PTPRD: variants seen among roughly 807,000 people sequenced by gnomAD.
PTPRD encodes the protein receptor-type tyrosine-protein phosphatase delta.
In PTPRD, 34 loss-of-function variants were observed where a neutral mutation model predicts 214.5. The observed-to-expected ratio is 0.16, with a 90% CI of 0.12 to 0.21. PTPRD has a LOEUF of 0.21. Ranked by LOEUF, PTPRD falls within the 10% of genes least tolerant of loss-of-function variation. PTPRD has a pLI of 1.00. For missense variants in PTPRD, 2,545 were observed against 2,398.7 expected (o/e 1.06, Z -1.27); for synonymous variants, 1,128 against 845.7 (o/e 1.33, Z -5.79).
chr9:8,871,080 G>C (rs1051325684), intron 11 of PTPRD, among the ~76,000 whole-genome samples: 8 of 152,142 alleles, frequency 5.3e-5, no homozygotes, highest in African/African-American at 1.9e-4. Context: ...CGTGTTGCTA[G>C]GTTCATAATT....
intron 2 of PTPRD, among the ~76,000 whole-genome samples, chr9:10,503,504 T>C (rs908374122): frequency 8.5e-5 from 13 of 152,082 alleles, no homozygotes; most frequent in Admixed American, 1.3e-4. Flanking sequence ...AAATGTTTAA[T>C]TGGAGAAGAG....
At chr9:10,119,480 G>C (rs2098757766) in intron 3 of PTPRD, among the ~76,000 whole-genome samples, 1 of 151,918 alleles carries the variant, frequency 6.6e-6, no homozygotes, top group Non-Finnish European at 1.5e-5. Context: ...GGTTCTAGTA[G>C]TAAGAGTAGT....
At chr9:8,774,527 C>CTT (rs564318443) in intron 11 of PTPRD, among the ~76,000 whole-genome samples, 2 of 105,216 alleles carry the variant, frequency 1.9e-5, no homozygotes, top group African/African-American at 3.7e-5. Flanking sequence ...TGAAAAGTAA[C>CTT]TTTTTTTTTT....
chr9:8,351,677 GA>G (rs1489043700), intron 39 of PTPRD, among the ~76,000 whole-genome samples: 4 of 133,048 alleles, frequency 3.0e-5, no homozygotes, highest in Admixed American at 1.7e-4. Context: ...GGCTTTTAAA[GA>G]GTGGATATCA....
At chr9:9,971,108 T>C (rs1421840182) in intron 4 of PTPRD, among the ~76,000 whole-genome samples, 1 of 152,160 alleles carries the variant, frequency 6.6e-6, no homozygotes, top group Non-Finnish European at 1.5e-5. Context: ...TAAAGAACTT[T>C]TATAAATTCA....
At position 8,525,045 on chromosome 9, in the gene PTPRD, T is replaced by C. The variant is rs752519691; in HGVS notation, c.569-10A>G. The C allele has an allele frequency of 1.9e-6, 3 of 1,597,764 alleles. No individual in the cohort carries two copies. The highest frequency in any genetic ancestry group is 1.7e-5 in the Admixed American group (1 of 59,978). ...TCAATCTGAAGGGCTCCTGTATGGA[T>C]ATAAAATATATTGCCAAAGAGATGA... On this transcript the variant is annotated splice_polypyrimidine_tract_variant and intron_variant, in intron 17 of 45. Coordinates refer to ENST00000381196, the MANE Select transcript of PTPRD (RefSeq NM_002839.4).
At chr9:10,148,886 G>A (rs1193802641) in intron 3 of PTPRD, among the ~76,000 whole-genome samples, 2 of 152,130 alleles carry the variant, frequency 1.3e-5, no homozygotes, top group Admixed American at 6.5e-5. Flanking sequence ...ATTGGATATA[G>A]ACATTTGAAA....
At chr9:10,282,028 C>T (rs950800548) in intron 3 of PTPRD, among the ~76,000 whole-genome samples, 6 of 150,734 alleles carry the variant, frequency 4.0e-5, no homozygotes, top group Non-Finnish European at 8.8e-5. Flanking sequence ...TTGATGAAAG[C>T]CTGTAGGAAT....
chr9:8,722,540 T>G (rs1365587564), intron 12 of PTPRD, among the ~76,000 whole-genome samples: 4 of 152,186 alleles, frequency 2.6e-5, no homozygotes, highest in Non-Finnish European at 5.9e-5. Context: ...CAGGAAATAT[T>G]TTATTAAAAA....
At chr9:9,168,474 A>G (rs1265469150) in intron 10 of PTPRD, among the ~76,000 whole-genome samples, 1 of 152,186 alleles carries the variant, frequency 6.6e-6, no homozygotes, top group East Asian at 1.9e-4. Flanking sequence ...TTTGAAATAC[A>G]ATGGCATAAA....
intron 11 of PTPRD, among the ~76,000 whole-genome samples, chr9:8,769,878 G>C (rs922182861): frequency 1.3e-5 from 2 of 151,754 alleles, no homozygotes; most frequent in African/African-American, 4.8e-5. Flanking sequence ...GTAATTGCAA[G>C]CTGGTAGATA....
chr9:9,562,036 A>T (rs916562117), intron 8 of PTPRD, among the ~76,000 whole-genome samples: 1 of 152,184 alleles, frequency 6.6e-6, no homozygotes, highest in Admixed American at 6.5e-5. Flanking sequence ...TGACTACTTG[A>T]TACCCAACTT....
intron 4 of PTPRD, among the ~76,000 whole-genome samples, chr9:9,954,647 A>T (rs1037915556): frequency 2.0e-5 from 3 of 152,098 alleles, no homozygotes; most frequent in Admixed American, 1.3e-4. Context: ...ATACTATAAT[A>T]GGTACATAAC....
intron 7 of PTPRD, among the ~76,000 whole-genome samples, chr9:9,660,861 T>C (rs1216888260): frequency 1.3e-5 from 2 of 151,990 alleles, no homozygotes; most frequent in Non-Finnish European, 2.9e-5. Context: ...ACTCAGAGCC[T>C]GAATCACTGG....
In PTPRD at chr9:9,134,663, C is replaced by T. The variant is rs575584638; in HGVS notation, c.-143+48641G>A. On this transcript the variant is annotated intron_variant, in intron 10 of 45. Coordinates refer to ENST00000381196, the MANE Select transcript of PTPRD (RefSeq NM_002839.4). ...AGACTCTCCCTTTCTCCTCCCAGGA[C>T]ACTCATGGCTGCTTCCTCTGGCTAT... Among the ~76,000 whole-genome samples the T allele has an allele frequency of 2.0e-5, 3 of 152,298 alleles. No individual in the cohort carries two copies. The South Asian group carries it at 6.2e-4, about 32-fold the overall frequency.
chr9:8,448,340 A>G (rs781345183), intron 34 of PTPRD, among the ~76,000 whole-genome samples: 15 of 152,132 alleles, frequency 9.9e-5, no homozygotes, highest in Non-Finnish European at 2.2e-4. Flanking sequence ...AAAACCCATC[A>G]ATCAAACAAA....
At chr9:8,322,159 C>T (rs1829021286) in intron 44 of PTPRD, among the ~76,000 whole-genome samples, 1 of 151,988 alleles carries the variant, frequency 6.6e-6, no homozygotes, top group Non-Finnish European at 1.5e-5. Context: ...CTGTCTTTTT[C>T]TCCTCAGGCC....
chr9:10,307,863 C>T (rs1331443006), intron 3 of PTPRD, among the ~76,000 whole-genome samples: 3 of 151,622 alleles, frequency 2.0e-5, no homozygotes. Context: ...ATTTGTATGT[C>T]TTATTTTGAA....
intron 9 of PTPRD, among the ~76,000 whole-genome samples, chr9:9,200,801 A>C (rs1304388416): frequency 6.6e-6 from 1 of 152,220 alleles, no homozygotes; most frequent in Non-Finnish European, 1.5e-5. Context: ...CTTTCTAACC[A>C]AAAACTGCAA....
Sources: gnomAD v4.1 joint callset for allele counts (sites outside exome capture counted in the v4.1 genomes callset) on GRCh38, gnomAD v4.1.1 for gene constraint, MANE v1.5 for transcripts, NCBI Gene and HGNC (gene_info 2026-07-23, HGNC 2026-07-21) for gene names.